Variants in BICC1 observed in about 807,000 individuals in gnomAD.
BICC1 encodes the protein BicC family RNA binding protein 1.
BICC1 carries 43 observed loss-of-function variants against 111.0 expected under a neutral mutation model. The observed-to-expected ratio is 0.39, with a 90% CI of 0.30 to 0.50. BICC1 has a LOEUF of 0.50. Among genes scored for constraint, BICC1 ranks in the 20% least tolerant of loss-of-function variants. BICC1 has a pLI of 0.88. For synonymous variants in BICC1, 467 were observed against 434.4 expected (o/e 1.07, Z -0.93); for missense variants, 1,091 against 1,203.2 (o/e 0.91, Z 1.38).
chr10:58,660,958 T>G (rs1838824280), intron 2 of BICC1, among the ~76,000 whole-genome samples: 1 of 152,218 alleles, frequency 6.6e-6, no homozygotes, highest in Non-Finnish European at 1.5e-5. Flanking sequence ...CAGCTTCTCT[T>G]TTTATAATTT....
intron 2 of BICC1, among the ~76,000 whole-genome samples, chr10:58,632,505 ATTT>A: frequency 6.8e-6 from 1 of 146,732 alleles, no homozygotes; most frequent in South Asian, 2.2e-4. Context: ...GGAGGGAGTG[ATTT>A]TTTTTTTTTT....
chr10:58,564,998 T>C (rs1843713165), intron 1 of BICC1, among the ~76,000 whole-genome samples: 1 of 152,236 alleles, frequency 6.6e-6, no homozygotes, highest in Non-Finnish European at 1.5e-5. Flanking sequence ...ATTTACATTT[T>C]TTGCTTCAAC....
At chr10:58,813,177 G>A (rs1843966032) in intron 17 of BICC1, among the ~76,000 whole-genome samples, 1 of 152,108 alleles carries the variant, frequency 6.6e-6, no homozygotes, top group South Asian at 2.1e-4. Context: ...AATACTCTAG[G>A]TAATAGTAGG....
At chr10:58,821,320 C>T (rs571645801) in intron 20 of BICC1, among the ~76,000 whole-genome samples, 3 of 152,210 alleles carry the variant, frequency 2.0e-5, no homozygotes, top group South Asian at 2.1e-4. Context: ...TCATGTGCTG[C>T]GGAAAAATGA....
intron 5 of BICC1, among the ~76,000 whole-genome samples, chr10:58,787,713 A>T (rs940041529): frequency 3.3e-5 from 5 of 152,206 alleles, no homozygotes; most frequent in African/African-American, 4.8e-5. Context: ...CTCTACAGGG[A>T]CTAATGGTGA....
intron 1 of BICC1, among the ~76,000 whole-genome samples, chr10:58,609,155 G>C (rs1036777485): frequency 3.3e-5 from 5 of 152,146 alleles, no homozygotes; most frequent in African/African-American, 1.2e-4. Context: ...ATGGCTTTGG[G>C]CTGGGCCAAA....
rs541941673 is a variant in BICC1, at chr10:58,617,202, G to A, written c.191-3653G>A. Among the ~76,000 whole-genome samples, 31 of 152,350 alleles carry A rather than the reference G, an allele frequency of 2.0e-4. 1 individual carries two copies. The South Asian group carries it at 4.3e-3, about 21-fold the overall frequency. On this transcript the variant is annotated intron_variant, in intron 1 of 20. Coordinates refer to ENST00000373886, the MANE Select transcript of BICC1 (RefSeq NM_001080512.3). ...CTGCCCTTCAGGCTCGTGAGAGTAC[G>A]GCAGGATGGGCTACAGTCGTCGTGC...
intron 17 of BICC1, among the ~76,000 whole-genome samples, chr10:58,807,773 C>G (rs369786808): frequency 3.3e-5 from 5 of 152,214 alleles, no homozygotes; most frequent in African/African-American, 1.2e-4. Context: ...ACCAAGCAGG[C>G]CTTTTCCATT....
chr10:58,788,548 A>AAAGTTATT (rs1236194830), intron 6 of BICC1, 125 bp downstream of exon 6: 17 of 621,024 alleles, frequency 2.7e-5, no homozygotes, highest in Non-Finnish European at 4.7e-5. Context: ...AATAGTGGCA[A>AAAGTTATT]AAGTTATTTT....
At chr10:58,816,089 A>G (rs1731612024) in intron 18 of BICC1, among the ~76,000 whole-genome samples, 1 of 152,182 alleles carries the variant, frequency 6.6e-6, no homozygotes, top group African/African-American at 2.4e-5. Flanking sequence ...TTGCTGCAGC[A>G]TAATTCTCAG....
intron 1 of BICC1, among the ~76,000 whole-genome samples, chr10:58,588,849 T>C (rs1456056450): frequency 1.3e-5 from 2 of 152,224 alleles, no homozygotes; most frequent in Non-Finnish European, 1.5e-5. Context: ...CATAGCAGAC[T>C]TGGCCACACC....
chr10:58,757,770 C>T (rs1225082829), intron 3 of BICC1, among the ~76,000 whole-genome samples: 1 of 151,844 alleles, frequency 6.6e-6, no homozygotes, highest in Non-Finnish European at 1.5e-5. Context: ...TGTGTTAGAA[C>T]CAGAGATGCC....
chr10:58,685,035 C>T (rs1000025774), intron 2 of BICC1, among the ~76,000 whole-genome samples: 2 of 152,196 alleles, frequency 1.3e-5, no homozygotes, highest in Non-Finnish European at 2.9e-5. Flanking sequence ...CTACACACTG[C>T]TTTAAATGTG....
chr10:58,546,497 A>T (rs116880863), intron 1 of BICC1, among the ~76,000 whole-genome samples: 1 of 152,174 alleles, frequency 6.6e-6, no homozygotes, highest in Non-Finnish European at 1.5e-5. Context: ...GCCAAGTAAA[A>T]TACCACCTGT....
At chr10:58,746,740 G>A (rs1027212649) in intron 3 of BICC1, among the ~76,000 whole-genome samples, 1 of 152,126 alleles carries the variant, frequency 6.6e-6, no homozygotes, top group Non-Finnish European at 1.5e-5. Context: ...TCCTAGCTGG[G>A]TGTTCATCTA....
intron 2 of BICC1, among the ~76,000 whole-genome samples, chr10:58,664,225 GTTA>G (rs1205393626): frequency 6.6e-6 from 1 of 152,118 alleles, no homozygotes; most frequent in African/African-American, 2.4e-5. Flanking sequence ...GTCAGCACCT[GTTA>G]TTATCTATCT....
At chr10:58,775,833 A>T (rs1329847520) in intron 3 of BICC1, among the ~76,000 whole-genome samples, 1 of 152,224 alleles carries the variant, frequency 6.6e-6, no homozygotes. Context: ...CTTACCTAAT[A>T]TTAGGCCTTT....
chr10:58,648,688 C>A (rs1429658702), intron 2 of BICC1: 3 of 981,428 alleles, frequency 3.1e-6, no homozygotes. Flanking sequence ...TGCCTCTACA[C>A]TGTTGGAAAT....
chr10:58,821,767 A>C (rs902606374), intron 20 of BICC1, among the ~76,000 whole-genome samples: 1 of 152,158 alleles, frequency 6.6e-6, no homozygotes, highest in Admixed American at 6.6e-5. Context: ...TGGAAAGAAC[A>C]CTGGATTCAA....
Sources: gnomAD v4.1 joint callset for allele counts (sites outside exome capture counted in the v4.1 genomes callset) on GRCh38, gnomAD v4.1.1 for gene constraint, MANE v1.5 for transcripts, NCBI Gene and HGNC (gene_info 2026-07-23, HGNC 2026-07-21) for gene names.